The following FBXL17 variants were observed in gnomAD, a reference collection of about 807,000 sequenced individuals.
FBXL17 encodes the protein F-box and leucine rich repeat protein 17, also known as F-box/LRR-repeat protein 17.
A neutral mutation model predicts 66.2 loss-of-function variants in FBXL17; 22 were observed. The ratio of observed to expected loss-of-function variants is 0.33; its 90% confidence interval spans 0.24 to 0.47. The LOEUF is 0.47. FBXL17 is among the 20% of genes least tolerant of loss of function. FBXL17 has a pLI of 1.00. For synonymous variants in FBXL17, 474 were observed against 400.5 expected (o/e 1.18, Z -2.19); for missense variants, 878 against 948.2 (o/e 0.93, Z 0.97).
chr5:108,255,885 A>G (rs1300676590), intron 4 of FBXL17, among the ~76,000 whole-genome samples: 2 of 152,206 alleles, frequency 1.3e-5, no homozygotes, highest in African/African-American at 4.8e-5. Context: ...CTGGGATTCG[A>G]CTTAGGTGAA....
intron 6 of FBXL17, among the ~76,000 whole-genome samples, chr5:108,073,221 A>G (rs1748410655): frequency 1.3e-5 from 2 of 152,214 alleles, no homozygotes; most frequent in South Asian, 4.1e-4. Flanking sequence ...AATCGGAAAA[A>G]CAACTCTTGA....
chr5:108,229,749 A>G (rs2922429), intron 4 of FBXL17, among the ~76,000 whole-genome samples: 82,465 of 152,000 alleles, frequency 0.54, 23,012 homozygotes, highest in African/African-American at 0.68. Context: ...CTTCTGCACA[A>G]CAAAAGGAAG....
chr5:108,096,415 C>A (rs1046869828), intron 6 of FBXL17, among the ~76,000 whole-genome samples: 3 of 152,110 alleles, frequency 2.0e-5, no homozygotes, highest in African/African-American at 4.8e-5. Flanking sequence ...TCTTTGGTGG[C>A]AGTTCAAAAT....
intron 7 of FBXL17, among the ~76,000 whole-genome samples, chr5:107,897,581 G>A (rs1200120536): frequency 2.6e-5 from 4 of 152,060 alleles, no homozygotes; most frequent in Admixed American, 1.3e-4. Flanking sequence ...AACTCCATGA[G>A]TTTAACACCA....
intron 6 of FBXL17, among the ~76,000 whole-genome samples, chr5:108,054,274 C>T (rs1220837299): frequency 6.6e-6 from 1 of 151,710 alleles, no homozygotes; most frequent in Non-Finnish European, 1.5e-5. Flanking sequence ...TTTATTTCTT[C>T]TGCATCCCTG....
chr5:107,990,255 G>A (rs1208810976), intron 7 of FBXL17, among the ~76,000 whole-genome samples: 2 of 152,150 alleles, frequency 1.3e-5, no homozygotes, highest in Admixed American at 6.5e-5. Flanking sequence ...AGTAGGGATG[G>A]GTATGGCTTT....
intron 4 of FBXL17, among the ~76,000 whole-genome samples, chr5:108,324,766 GTACACACA>G (rs1028879242): frequency 8.6e-5 from 13 of 151,864 alleles, no homozygotes; most frequent in Admixed American, 8.5e-4. Flanking sequence ...GCATGCACAT[GTACACACA>G]TACACAATGT....
chr5:107,994,819 G>C (rs1021663192), intron 7 of FBXL17, among the ~76,000 whole-genome samples: 31 of 152,172 alleles, frequency 2.0e-4, no homozygotes, highest in African/African-American at 7.0e-4. Context: ...GCCTGGGAGA[G>C]AGAGAGTGAG....
chr5:108,244,453 A>G (rs1268419843), intron 4 of FBXL17, among the ~76,000 whole-genome samples: 1 of 152,192 alleles, frequency 6.6e-6, no homozygotes, highest in Non-Finnish European at 1.5e-5. Context: ...AAAATGAGAT[A>G]CCAACCTAAG....
chr5:108,014,687 T>A (rs1313542377), intron 7 of FBXL17, among the ~76,000 whole-genome samples: 1 of 152,180 alleles, frequency 6.6e-6, no homozygotes, highest in African/African-American at 2.4e-5. Flanking sequence ...AAAAGATTAA[T>A]AATTAAATAC....
In FBXL17 at chr5:107,859,043, CT is replaced by C. The variant is rs1216372074; in HGVS notation, c.*2676del. The stretch of plus-strand genomic sequence containing the variant: ...AAACAAAAGACACAGTGTTTTGTTT[CT>C]CTTTTATTGCAACCCACTGCAAGGT... On this transcript the variant is annotated 3_prime_UTR_variant, in exon 9 of 9. Coordinates refer to ENST00000542267, the MANE Select transcript of FBXL17 (RefSeq NM_001163315.3). The C allele has an allele frequency of 6.6e-6, 1 of 152,148 alleles. No individual in the cohort carries two copies. The highest frequency in any genetic ancestry group is 1.5e-5 in the Non-Finnish European group (1 of 68,024). The allele number at this position is 152,148 out of a possible 1,614,324, so 9.4% of individuals were successfully genotyped here. A position where few individuals can be genotyped will look rare whatever the true frequency, so the allele number is the denominator to read the frequency against.
intron 7 of FBXL17, among the ~76,000 whole-genome samples, chr5:107,884,493 G>T (rs1169592119): frequency 6.6e-6 from 1 of 152,196 alleles, no homozygotes; most frequent in Non-Finnish European, 1.5e-5. Context: ...GGTCAGAACG[G>T]ATTTCTCTTT....
At chr5:107,926,230 C>T (rs1038579026) in intron 7 of FBXL17, among the ~76,000 whole-genome samples, 2 of 152,078 alleles carry the variant, frequency 1.3e-5, no homozygotes, top group Non-Finnish European at 2.9e-5. Flanking sequence ...AAGTAACTTG[C>T]TGATGGTTCT....
chr5:108,333,472 C>T (rs1254588076), intron 4 of FBXL17, among the ~76,000 whole-genome samples: 1 of 152,052 alleles, frequency 6.6e-6, no homozygotes, highest in Non-Finnish European at 1.5e-5. Flanking sequence ...AAAACTCTTA[C>T]ATCCAGAGTT....
chr5:107,905,431 T>G lies in FBXL17; in HGVS notation c.1823-24252A>C, dbSNP rs572899194. Among the ~76,000 whole-genome samples the G allele has an allele frequency of 7.2e-5, 11 of 152,292 alleles. No homozygotes were observed. The South Asian group carries it at 1.5e-3, about 20-fold the overall frequency. ...TTGATTTCTCATATAATCTACTTTT[T>G]TTGTTGTTGTTGTTAAGCAAGAATA... On this transcript the variant is annotated intron_variant, in intron 7 of 8. Coordinates refer to ENST00000542267, the MANE Select transcript of FBXL17 (RefSeq NM_001163315.3).
At chr5:108,138,556 T>C (rs915698499) in intron 6 of FBXL17, among the ~76,000 whole-genome samples, 2 of 152,206 alleles carry the variant, frequency 1.3e-5, no homozygotes, top group Non-Finnish European at 2.9e-5. Flanking sequence ...CCAGAAGATA[T>C]TGCCGGTGGG....
At chr5:108,026,690 C>T (rs947902971) in intron 6 of FBXL17, among the ~76,000 whole-genome samples, 5 of 152,206 alleles carry the variant, frequency 3.3e-5, no homozygotes, top group African/African-American at 1.2e-4. Flanking sequence ...TAAGTTCTCA[C>T]TACCAAATGT....
chr5:107,959,072 G>A (rs777623178), intron 7 of FBXL17, among the ~76,000 whole-genome samples: 9 of 152,042 alleles, frequency 5.9e-5, no homozygotes, highest in Non-Finnish European at 1.3e-4. Flanking sequence ...TACATCAGAG[G>A]GCCTTCTCTT....
At chr5:108,146,282 A>G (rs1010242646) in intron 6 of FBXL17, among the ~76,000 whole-genome samples, 6 of 151,802 alleles carry the variant, frequency 4.0e-5, no homozygotes, top group Non-Finnish European at 8.8e-5. Flanking sequence ...CTTAGAATGT[A>G]TATTAATTTT....
Sources: allele counts gnomAD v4.1 joint callset (sites outside exome capture counted in the v4.1 genomes callset), GRCh38; gene constraint gnomAD v4.1.1; transcripts MANE v1.5; gene names NCBI Gene and HGNC (gene_info 2026-07-23, HGNC 2026-07-21).